The following PEX5L variants were observed in gnomAD, a reference collection of about 807,000 sequenced individuals.
The protein encoded by PEX5L is peroxisomal biogenesis factor 5 like, also known as PEX5-related protein.
A neutral mutation model predicts 84.0 loss-of-function variants in PEX5L; 30 were observed. The observed-to-expected ratio is 0.36, with a 90% confidence interval of 0.27 to 0.48. The LOEUF is 0.48. Among genes scored for constraint, PEX5L ranks in the 20% least tolerant of loss-of-function variants. The pLI is 0.99. For missense variants in PEX5L, 533 were observed against 754.6 expected, an observed-to-expected ratio of 0.71 and a Z score of 3.44; for synonymous variants, 270 against 283.1, an observed-to-expected ratio of 0.95 and a Z score of 0.46.
At chr3:179,864,542 G>C (rs1210241521) in intron 7 of PEX5L, among the ~76,000 whole-genome samples, 1 of 152,096 alleles carries the variant, frequency 6.6e-6, no homozygotes, top group Non-Finnish European at 1.5e-5. Flanking sequence ...AGGTTGAGGG[G>C]TTTGGGAGAT....
intron 8 of PEX5L, among the ~76,000 whole-genome samples, chr3:179,829,879 C>T (rs1013021902): frequency 8.8e-5 from 13 of 147,188 alleles, no homozygotes; most frequent in South Asian, 2.2e-4. Context: ...CGGGTTCAGG[C>T]GATTCTCCTG....
intron 2 of PEX5L, among the ~76,000 whole-genome samples, chr3:179,911,902 G>A (rs1039679433): frequency 6.6e-6 from 1 of 152,070 alleles, no homozygotes; most frequent in African/African-American, 2.4e-5. Flanking sequence ...TCTAAGAAAG[G>A]ATTCAAAATA....
chr3:179,878,815 T>A (rs1753268662), intron 5 of PEX5L, among the ~76,000 whole-genome samples: 1 of 152,346 alleles, frequency 6.6e-6, no homozygotes, highest in African/African-American at 2.4e-5. Flanking sequence ...CTACATATAG[T>A]TAATATTTTA....
intron 1 of PEX5L, among the ~76,000 whole-genome samples, chr3:180,011,409 G>A (rs566820273): frequency 6.6e-6 from 1 of 152,314 alleles, no homozygotes; most frequent in East Asian, 1.9e-4. Flanking sequence ...GCAAGCCACT[G>A]TATATCGTAA....
intron 2 of PEX5L, among the ~76,000 whole-genome samples, chr3:179,961,082 ACC>A (rs1560934796): frequency 6.6e-6 from 1 of 151,450 alleles, no homozygotes; most frequent in African/African-American, 2.4e-5. Context: ...ACATTCTCTC[ACC>A]ATTTCCATTT....
intron 7 of PEX5L, among the ~76,000 whole-genome samples, chr3:179,863,839 T>C (rs1577756688): frequency 6.6e-6 from 1 of 152,284 alleles, no homozygotes; most frequent in East Asian, 1.9e-4. Context: ...ATATATCTGA[T>C]ATGGTTTGGC....
At chr3:179,826,189 A>G (rs1165693602) in intron 8 of PEX5L, among the ~76,000 whole-genome samples, 1 of 152,206 alleles carries the variant, frequency 6.6e-6, no homozygotes, top group Non-Finnish European at 1.5e-5. Context: ...AGTTTGGTAG[A>G]AGGAAATCAA....
chr3:180,018,914 C>T (rs149723859), intron 1 of PEX5L, among the ~76,000 whole-genome samples: 1 of 152,218 alleles, frequency 6.6e-6, no homozygotes, highest in African/African-American at 2.4e-5. Context: ...AAATCCAGAA[C>T]AGCAAGCCTA....
intron 1 of PEX5L, among the ~76,000 whole-genome samples, chr3:180,006,641 A>G (rs1468868252): frequency 6.6e-6 from 1 of 152,186 alleles, no homozygotes; most frequent in African/African-American, 2.4e-5. Flanking sequence ...GTTTAATTGG[A>G]CCTACAGTTC....
At chr3:179,916,826 C>T (rs1767318253) in intron 2 of PEX5L, among the ~76,000 whole-genome samples, 1 of 151,920 alleles carries the variant, frequency 6.6e-6, no homozygotes, top group South Asian at 2.1e-4. Flanking sequence ...CACACCACCA[C>T]TCCCGGTGAA....
At chr3:180,003,535 G>GAT (rs1788612955) in intron 1 of PEX5L, among the ~76,000 whole-genome samples, 2 of 152,114 alleles carry the variant, frequency 1.3e-5, no homozygotes, top group African/African-American at 4.8e-5. Context: ...ACTGGAAAAT[G>GAT]ATATATATAG....
intron 1 of PEX5L, among the ~76,000 whole-genome samples, chr3:180,027,796 T>C (rs751031582): frequency 5.3e-5 from 8 of 152,218 alleles, no homozygotes; most frequent in Non-Finnish European, 1.0e-4. Context: ...GGTCTCCTTT[T>C]AATTTGTAAC....
intron 2 of PEX5L, among the ~76,000 whole-genome samples, chr3:179,954,961 T>G (rs968991533): frequency 2.0e-5 from 3 of 151,902 alleles, no homozygotes; most frequent in Non-Finnish European, 1.5e-5. Context: ...CCCATTCAAC[T>G]CTTCAGTCTC....
chr3:179,862,744 T>C (rs1257426181), intron 7 of PEX5L, among the ~76,000 whole-genome samples: 2 of 152,182 alleles, frequency 1.3e-5, no homozygotes, highest in African/African-American at 2.4e-5. Flanking sequence ...ATTAATATTG[T>C]TAAATTTCCC....
intron 1 of PEX5L, among the ~76,000 whole-genome samples, chr3:180,011,466 T>C (rs544316224): frequency 6.6e-6 from 1 of 152,318 alleles, no homozygotes; most frequent in Non-Finnish European, 1.5e-5. Flanking sequence ...AGAAAATGCA[T>C]GTGACTTACG....
intron 2 of PEX5L, among the ~76,000 whole-genome samples, chr3:179,913,313 T>A (rs575493032): frequency 1.3e-5 from 2 of 152,282 alleles, no homozygotes; most frequent in South Asian, 2.1e-4. Context: ...ACTTTAGGTA[T>A]AAATTATATG....
At chr3:179,966,184 A>G (rs1046750741) in intron 2 of PEX5L, among the ~76,000 whole-genome samples, 4 of 152,194 alleles carry the variant, frequency 2.6e-5, no homozygotes, top group African/African-American at 2.4e-5. Context: ...CTACAACTGC[A>G]TAATGTGCTG....
intron 2 of PEX5L, among the ~76,000 whole-genome samples, chr3:179,924,815 T>C (rs1770933226): frequency 6.6e-6 from 1 of 152,202 alleles, no homozygotes; most frequent in Non-Finnish European, 1.5e-5. Context: ...TTTTTATATT[T>C]TAGGGTATAG....
At chr3:179,851,507 T>C (rs1234376679) in intron 8 of PEX5L, among the ~76,000 whole-genome samples, 1 of 152,168 alleles carries the variant, frequency 6.6e-6, no homozygotes, top group African/African-American at 2.4e-5. Flanking sequence ...ACCATAGCAA[T>C]CACCTGTATT....
Sources: allele counts gnomAD v4.1 joint callset (sites outside exome capture counted in the v4.1 genomes callset), GRCh38; gene constraint gnomAD v4.1.1; transcripts MANE v1.5; gene names NCBI Gene and HGNC (gene_info 2026-07-23, HGNC 2026-07-21).